NRXN3: variants seen among roughly 807,000 people sequenced by gnomAD.
NRXN3 encodes neurexin III.
Under a neutral mutation model 137.6 loss-of-function variants are expected in NRXN3, and 32 were observed. The ratio of observed to expected loss-of-function variants is 0.23; its 90% CI spans 0.18 to 0.31. NRXN3 has a LOEUF of 0.31. Among genes scored for constraint, NRXN3 ranks in the 10% least tolerant of loss-of-function variants. NRXN3 has a pLI of 1.00. For missense variants in NRXN3, 1,574 were observed against 2,062.5 expected (o/e 0.76, Z 4.59); for synonymous variants, 798 against 784.5 (o/e 1.02, Z -0.29).
At chr14:79,788,322 A>G (rs1044848475) in intron 19 of NRXN3, among the ~76,000 whole-genome samples, 2 of 152,330 alleles carry the variant, frequency 1.3e-5, no homozygotes, top group Non-Finnish European at 1.5e-5. Context: ...GAGCCAAACC[A>G]TATCACCCGT....
chr14:79,136,998 C>T (rs1324583964), intron 15 of NRXN3, among the ~76,000 whole-genome samples: 1 of 152,186 alleles, frequency 6.6e-6, no homozygotes, highest in Admixed American at 6.5e-5. Context: ...CTCATCATTT[C>T]ACTTTAATCA....
intron 15 of NRXN3, among the ~76,000 whole-genome samples, chr14:79,079,624 T>C (rs1306513425): frequency 6.6e-6 from 1 of 152,152 alleles, no homozygotes; most frequent in Non-Finnish European, 1.5e-5. Context: ...AAAAGAATAA[T>C]AGATTGGTAT....
At chr14:78,542,709 G>C (rs956423981) in intron 4 of NRXN3, among the ~76,000 whole-genome samples, 4 of 152,110 alleles carry the variant, frequency 2.6e-5, no homozygotes, top group Admixed American at 6.6e-5. Context: ...TGTCTAACCA[G>C]TCCCAGTAAG....
chr14:78,650,352 TTC>T (rs2097728928), intron 5 of NRXN3, among the ~76,000 whole-genome samples: 1 of 152,194 alleles, frequency 6.6e-6, no homozygotes, highest in Non-Finnish European at 1.5e-5. Context: ...GCCCCATCGT[TTC>T]TCTCTGCCCT....
chr14:79,811,484 G>T (rs2099232483), intron 20 of NRXN3, among the ~76,000 whole-genome samples: 1 of 151,742 alleles, frequency 6.6e-6, no homozygotes, highest in African/African-American at 2.4e-5. Flanking sequence ...AATGAATATA[G>T]TATGTTCATG....
At chr14:79,630,012 C>T (rs2098328398) in intron 16 of NRXN3, among the ~76,000 whole-genome samples, 1 of 152,086 alleles carries the variant, frequency 6.6e-6, no homozygotes, top group Non-Finnish European at 1.5e-5. Context: ...TGTTAACACA[C>T]CATGTGGTTT....
intron 8 of NRXN3, among the ~76,000 whole-genome samples, chr14:78,725,768 T>C (rs2098480135): frequency 1.3e-5 from 2 of 152,246 alleles, no homozygotes; most frequent in Admixed American, 6.5e-5. Flanking sequence ...TCTAACTCAA[T>C]ATCTGATGCA....
intron 15 of NRXN3, among the ~76,000 whole-genome samples, chr14:79,186,661 G>A (rs1002739936): frequency 6.6e-6 from 1 of 152,162 alleles, no homozygotes; most frequent in African/African-American, 2.4e-5. Flanking sequence ...ATTTTGTGAT[G>A]TGAGGGTGTC....
intron 1 of NRXN3, among the ~76,000 whole-genome samples, chr14:78,217,749 C>T (rs1388610025): frequency 1.3e-5 from 2 of 152,162 alleles, no homozygotes; most frequent in Non-Finnish European, 2.9e-5. Flanking sequence ...GCAAACTCCA[C>T]CTCCTAGGTT....
At chr14:78,661,058 G>A (rs973046874) in intron 6 of NRXN3, among the ~76,000 whole-genome samples, 16 of 152,138 alleles carry the variant, frequency 1.1e-4, no homozygotes, top group African/African-American at 3.9e-4. Flanking sequence ...TTTGAGGAAC[G>A]CTAGTGAATA....
At chr14:79,180,259 A>T (rs12586483) in intron 15 of NRXN3, among the ~76,000 whole-genome samples, 5 of 151,840 alleles carry the variant, frequency 3.3e-5, no homozygotes, top group Admixed American at 6.6e-5. Flanking sequence ...CAATGAAAGA[A>T]GGCCTATTGC....
intron 15 of NRXN3, among the ~76,000 whole-genome samples, chr14:79,202,902 T>C (rs1042694438): frequency 6.6e-6 from 1 of 152,202 alleles, no homozygotes; most frequent in Non-Finnish European, 1.5e-5. Context: ...TACCCAGTAG[T>C]GGCATTGCTG....
At chr14:78,554,759 C>T (rs893209725) in intron 4 of NRXN3, among the ~76,000 whole-genome samples, 11 of 148,052 alleles carry the variant, frequency 7.4e-5, no homozygotes, top group African/African-American at 2.2e-4. Context: ...GACATTTTAG[C>T]GTTCGTGGGC....
chr14:78,721,861 T>G (rs768405332), intron 8 of NRXN3, among the ~76,000 whole-genome samples: 6 of 152,166 alleles, frequency 3.9e-5, no homozygotes, highest in Admixed American at 2.0e-4. Context: ...TTGTTTGTTT[T>G]TTTGCTTTTC....
intron 15 of NRXN3, among the ~76,000 whole-genome samples, chr14:79,351,055 A>T (rs2093182688): frequency 6.6e-6 from 1 of 152,212 alleles, no homozygotes; most frequent in Non-Finnish European, 1.5e-5. Context: ...CAGGACTCCA[A>T]CCCAGAACTG....
intron 15 of NRXN3, among the ~76,000 whole-genome samples, chr14:79,420,499 G>GC (rs1390226876): frequency 2.6e-5 from 4 of 152,166 alleles, no homozygotes; most frequent in African/African-American, 9.6e-5. Flanking sequence ...TATCTCAACT[G>GC]CCCCAAAAAG....
chr14:79,048,893 C>T (rs1337396080), intron 15 of NRXN3, among the ~76,000 whole-genome samples: 1 of 147,450 alleles, frequency 6.8e-6, no homozygotes, highest in African/African-American at 2.5e-5. Context: ...CATGGTGGCG[C>T]GTGCCTGTAG....
intron 15 of NRXN3, among the ~76,000 whole-genome samples, chr14:79,018,250 A>T (rs2099582686): frequency 7.2e-6 from 1 of 138,000 alleles, no homozygotes; most frequent in Non-Finnish European, 1.5e-5. Flanking sequence ...ACAAGAGCAA[A>T]ACTCTGTCTC....
intron 10 of NRXN3, among the ~76,000 whole-genome samples, chr14:78,822,717 A>G (rs2098954593): frequency 6.6e-6 from 1 of 151,852 alleles, no homozygotes; most frequent in Admixed American, 6.6e-5. Context: ...AAACAAAAAA[A>G]AAAAAAAGAA....
Sources: gnomAD v4.1 joint callset for allele counts (sites outside exome capture counted in the v4.1 genomes callset) on GRCh38, gnomAD v4.1.1 for gene constraint, MANE v1.5 for transcripts, NCBI Gene and HGNC (gene_info 2026-07-23, HGNC 2026-07-21) for gene names.